RAP1GAP2: variants seen among roughly 807,000 people sequenced by gnomAD.
RAP1GAP2 encodes the protein RAP1 GTPase activating protein 2.
In RAP1GAP2, 27 loss-of-function variants were observed where a neutral mutation model predicts 95.0. That is an observed-to-expected ratio of 0.28 (90% CI 0.21 to 0.39). The LOEUF is 0.39. RAP1GAP2 is among the 10% of genes least tolerant of loss of function. The pLI is 1.00. For synonymous variants in RAP1GAP2, 373 were observed against 380.9 expected, an observed-to-expected ratio of 0.98 and a Z score of 0.24; for missense variants, 771 against 970.0, an observed-to-expected ratio of 0.79 and a Z score of 2.72.
rs571624250 is a variant in RAP1GAP2, at chr17:3,036,369, G to T, written c.*3008G>T. The T allele has an allele frequency of 6.6e-6, 1 of 152,252 alleles. No homozygotes were observed. Among genetic ancestry groups the T allele is most frequent in the African/African-American group, 2.4e-5 (1 of 41,450 alleles). The allele number at this position is 152,252 out of a possible 1,614,324, so 9.4% of individuals were successfully genotyped here. The stretch of plus-strand genomic sequence containing the variant: ...AACCCAGGGTCCCTTCCTCTGCAGC[G>T]CCTACATGGTTGGTTGAATAAGTGG... On this transcript the variant is annotated 3_prime_UTR_variant, in exon 25 of 25. Coordinates refer to ENST00000254695, the MANE Select transcript of RAP1GAP2 (RefSeq NM_015085.5).
chr17:2,828,319 C>T (rs923213072), intron 2 of RAP1GAP2, among the ~76,000 whole-genome samples: 5 of 148,842 alleles, frequency 3.4e-5, no homozygotes, highest in South Asian at 2.1e-4. Flanking sequence ...CCAACCTGGG[C>T]GACAGTGAGA....
chr17:2,863,719 CTT>C (rs1304980551), intron 2 of RAP1GAP2, among the ~76,000 whole-genome samples: 2 of 152,104 alleles, frequency 1.3e-5, no homozygotes, highest in African/African-American at 4.8e-5. Context: ...AGGCATCTCT[CTT>C]GTCTTTGGTT....
chr17:2,890,254 C>A (rs1482353145), intron 2 of RAP1GAP2, among the ~76,000 whole-genome samples: 2 of 152,104 alleles, frequency 1.3e-5, no homozygotes, highest in African/African-American at 4.8e-5. Flanking sequence ...ATTTGTCTTT[C>A]TAATGAGTGA....
intron 2 of RAP1GAP2, among the ~76,000 whole-genome samples, chr17:2,803,443 A>G (rs1241386985): frequency 6.6e-6 from 1 of 152,252 alleles, no homozygotes; most frequent in Non-Finnish European, 1.5e-5. Flanking sequence ...TGGTTGAACC[A>G]GGAACTGGAA....
chr17:2,987,738 T>TA (rs950375039), intron 11 of RAP1GAP2, among the ~76,000 whole-genome samples: 41 of 149,784 alleles, frequency 2.7e-4, no homozygotes, highest in African/African-American at 4.2e-4. Flanking sequence ...AAGGTAATTC[T>TA]AAAAAAAAAA....
In RAP1GAP2 at chr17:2,995,385, A is replaced by G. The variant is rs2045915402; in HGVS notation, c.963A>G (p.Ser321=). 1.2e-6 allele frequency: 2 copies of G among 1,613,874 alleles called. No individual in the cohort carries two copies. Among genetic ancestry groups the G allele is most frequent in the Non-Finnish European group, 1.7e-6 (2 of 1,179,754 alleles). The change falls in exon 13 of 25, where the codon TCA becomes TCG. Residue 321 remains serine, a synonymous_variant. Coordinates refer to ENST00000254695, the MANE Select transcript of RAP1GAP2 (RefSeq NM_015085.5). ...DVTHGQTGVE[S]VYTTFRDREI... ...CCCACGGACAGACAGGGGTGGAATC[A>G]GTGTACACAACATTCCGGGACAGGG...
At chr17:2,863,269 G>A (rs911883578) in intron 2 of RAP1GAP2, among the ~76,000 whole-genome samples, 3 of 152,096 alleles carry the variant, frequency 2.0e-5, no homozygotes, top group East Asian at 1.9e-4. Flanking sequence ...TGGAGCAGAC[G>A]CTGTGTTTAT....
chr17:2,958,635 G>C (rs1400733697), intron 4 of RAP1GAP2, among the ~76,000 whole-genome samples: 1 of 152,078 alleles, frequency 6.6e-6, no homozygotes, highest in Non-Finnish European at 1.5e-5. Context: ...AACAATTAAA[G>C]GCAGCACTCA....
At chr17:2,947,633 A>C (rs2043750838) in intron 3 of RAP1GAP2, among the ~76,000 whole-genome samples, 1 of 152,118 alleles carries the variant, frequency 6.6e-6, no homozygotes, top group South Asian at 2.1e-4. Context: ...TCTGCCCTCG[A>C]GGACCTTCTG....
chr17:2,790,700 C>T (rs894572758), intron 1 of RAP1GAP2, among the ~76,000 whole-genome samples: 1 of 152,236 alleles, frequency 6.6e-6, no homozygotes, highest in Non-Finnish European at 1.5e-5. Flanking sequence ...CATCCCCATG[C>T]CTGGGGAAGG....
chr17:2,883,757 G>A (rs2073387077), intron 2 of RAP1GAP2, among the ~76,000 whole-genome samples: 1 of 152,056 alleles, frequency 6.6e-6, no homozygotes, highest in African/African-American at 2.4e-5. Flanking sequence ...CAGGATGATT[G>A]GCAGAGAATC....
chr17:2,978,213 T>C (rs1380325750), intron 8 of RAP1GAP2, among the ~76,000 whole-genome samples: 1 of 152,212 alleles, frequency 6.6e-6, no homozygotes, highest in Admixed American at 6.5e-5. Context: ...TCTTTCCTTA[T>C]TAAGAACTTT....
At chr17:2,807,954 G>A (rs756818) in intron 2 of RAP1GAP2, among the ~76,000 whole-genome samples, 28,072 of 152,102 alleles carry the variant, frequency 0.18, 2,872 homozygotes, top group South Asian at 0.32. Flanking sequence ...GCTGGCCTGC[G>A]CCCTGGGGTG....
chr17:2,913,241 C>G (rs2076842959), intron 3 of RAP1GAP2, among the ~76,000 whole-genome samples: 1 of 151,800 alleles, frequency 6.6e-6, no homozygotes, highest in African/African-American at 2.4e-5. Flanking sequence ...GCATGCATTT[C>G]CCTCCTCACC....
chr17:2,984,838 C>G, intron 10 of RAP1GAP2, 145 bp from the exon 11 acceptor site: 3 of 1,371,594 alleles, frequency 2.2e-6, no homozygotes, highest in Non-Finnish European at 2.9e-6. Flanking sequence ...CTTATTATTT[C>G]TCTCTCTCTC....
chr17:2,755,655 C>T, upstream of RAP1GAP2: 6 of 256,804 alleles, frequency 2.3e-5, no homozygotes, highest in Non-Finnish European at 2.2e-5. Context: ...GGACACCCGC[C>T]TGCGGCAGCC....
chr17:2,944,970 T>C (rs1443401368), intron 3 of RAP1GAP2, among the ~76,000 whole-genome samples: 2 of 152,140 alleles, frequency 1.3e-5, no homozygotes, highest in African/African-American at 2.4e-5. Context: ...GCAAGCTCTG[T>C]CTCCCGGGTT....
intron 16 of RAP1GAP2, among the ~76,000 whole-genome samples, chr17:3,006,437 CCTT>C (rs1232463455): frequency 1.5e-5 from 2 of 134,796 alleles, no homozygotes; most frequent in Admixed American, 7.6e-5. Flanking sequence ...GCCAATCAGT[CCTT>C]TTTTTTTTTT....
At chr17:2,793,294 C>T (rs896674651), upstream of RAP1GAP2, among the ~76,000 whole-genome samples, 2 of 152,034 alleles carry the variant, frequency 1.3e-5, no homozygotes, top group Admixed American at 6.6e-5. Context: ...GCTGGGAATA[C>T]AGGCATGTGC....
Sources: allele counts gnomAD v4.1 joint callset (sites outside exome capture counted in the v4.1 genomes callset), GRCh38; gene constraint gnomAD v4.1.1; transcripts MANE v1.5; gene names NCBI Gene and HGNC (gene_info 2026-07-23, HGNC 2026-07-21).